OOSP3: variants seen among roughly 807,000 people sequenced by gnomAD.
OOSP3 encodes oocyte-secreted protein 3.
intron 2 of OOSP3, among the ~76,000 whole-genome samples, chr11:59,886,363 G>A (rs543644687): frequency 1.1e-4 from 16 of 152,246 alleles, no homozygotes; most frequent in African/African-American, 3.1e-4. Context: ...ATACACGTGC[G>A]TGAATCCTTG....
chr11:59,890,576 C>A (rs1229528296), intron 2 of OOSP3, among the ~76,000 whole-genome samples: 1 of 152,066 alleles, frequency 6.6e-6, no homozygotes, highest in Admixed American at 6.6e-5. Flanking sequence ...GATGGAAATT[C>A]TTGTCTTTAA....
intron 2 of OOSP3, among the ~76,000 whole-genome samples, chr11:59,880,868 C>T (rs565616528): frequency 7.3e-5 from 11 of 151,712 alleles, no homozygotes; most frequent in Admixed American, 2.0e-4. Flanking sequence ...AAGAAGCAGG[C>T]GATGAAAAAA....
chr11:59,886,884 A>C (rs1356187064), intron 2 of OOSP3, among the ~76,000 whole-genome samples: 6 of 149,858 alleles, frequency 4.0e-5, no homozygotes, highest in Non-Finnish European at 7.4e-5. Flanking sequence ...TCCGCCTCCC[A>C]GATTCAAGCG....
intron 2 of OOSP3, among the ~76,000 whole-genome samples, chr11:59,885,120 G>T (rs1176295216): frequency 6.6e-6 from 1 of 152,076 alleles, no homozygotes; most frequent in Non-Finnish European, 1.5e-5. Context: ...TGAAACTATT[G>T]AGATGATCAT....
intron 2 of OOSP3, among the ~76,000 whole-genome samples, chr11:59,884,101 C>T (rs1283803320): frequency 3.3e-5 from 5 of 152,124 alleles, no homozygotes; most frequent in Non-Finnish European, 7.3e-5. Context: ...AAGAATCTTG[C>T]CGTGGCTTAA....
At chr11:59,882,664 C>G (rs1469052559) in intron 2 of OOSP3, among the ~76,000 whole-genome samples, 1 of 152,106 alleles carries the variant, frequency 6.6e-6, no homozygotes, top group Non-Finnish European at 1.5e-5. Flanking sequence ...AATAATTAAA[C>G]ATTTAAGTGT....
intron 1 of OOSP3, 57 bp from the exon 2 acceptor site, chr11:59,880,204 G>C: frequency 2.5e-6 from 1 of 397,464 alleles, no homozygotes; most frequent in Non-Finnish European, 4.4e-6. Flanking sequence ...ACTTTCTCTG[G>C]GTGTCGTTTA....
chr11:59,880,700 C>T (rs1201431503), intron 2 of OOSP3, among the ~76,000 whole-genome samples: 2 of 152,118 alleles, frequency 1.3e-5, no homozygotes, highest in Non-Finnish European at 1.5e-5. Context: ...TCCTTACATC[C>T]CCTAAAGTCT....
At chr11:59,889,085 G>T (rs1853287075) in intron 2 of OOSP3, among the ~76,000 whole-genome samples, 1 of 151,894 alleles carries the variant, frequency 6.6e-6, no homozygotes, top group Admixed American at 6.6e-5. Context: ...CTAGTTTGAG[G>T]TGTTTATAGT....
chr11:59,888,221 A>G (rs1853279828), intron 2 of OOSP3, among the ~76,000 whole-genome samples: 1 of 152,196 alleles, frequency 6.6e-6, no homozygotes, highest in Admixed American at 6.5e-5. Flanking sequence ...GGGGTTTTCT[A>G]GATATAGGAT....
At position 59,879,602 on chromosome 11, in the gene OOSP3, G is replaced by T. The variant is rs945173793; in HGVS notation, c.74-659G>T. 4.6e-5 allele frequency among the ~76,000 whole-genome samples: 7 copies of T among 152,008 alleles called. No individual in the cohort carries two copies. In the East Asian group the frequency reaches 1.2e-3, roughly 25 times the overall value. On this transcript the variant is annotated intron_variant, in intron 1 of 4. Coordinates refer to ENST00000646438, the Ensembl canonical transcript of OOSP3. ...AAAATGTTTTTTGGATATGCTTCTG[G>T]TAGTAGAATTAATAGACACAAAATG...
intron 1 of OOSP3, among the ~76,000 whole-genome samples, chr11:59,879,272 G>C (rs987086215): frequency 2.0e-5 from 3 of 152,106 alleles, no homozygotes; most frequent in Non-Finnish European, 4.4e-5. Flanking sequence ...GTGGTCATGA[G>C]TTAGTGATCA....
chr11:59,893,958 C>T, intron 2 of OOSP3, 121 bp from the exon 3 acceptor site: 1 of 394,512 alleles, frequency 2.5e-6, no homozygotes, highest in Non-Finnish European at 4.5e-6. Context: ...CAGCTCTCTG[C>T]AGAGAGACCT....
intron 2 of OOSP3, among the ~76,000 whole-genome samples, chr11:59,881,982 C>A (rs1224529307): frequency 6.6e-6 from 1 of 152,226 alleles, no homozygotes; most frequent in Non-Finnish European, 1.5e-5. Flanking sequence ...ATTCTGATTT[C>A]CTTCAATATG....
At chr11:59,884,524 C>A (rs1465308794) in intron 2 of OOSP3, among the ~76,000 whole-genome samples, 1 of 134,668 alleles carries the variant, frequency 7.4e-6, no homozygotes, top group African/African-American at 2.8e-5. Context: ...TCTCTCTATG[C>A]AGTCTTAATC....
At position 59,881,692 on chromosome 11, in the gene OOSP3, A is replaced by G. The variant is rs373500953; in HGVS notation, c.252+1253A>G. Among the ~76,000 whole-genome samples, 81 of 152,314 alleles carry G rather than the reference A, an allele frequency of 5.3e-4. 1 individual carries two copies. The highest frequency in any genetic ancestry group is 1.9e-3 in the African/African-American group (78 of 41,570). On this transcript the variant is annotated intron_variant, in intron 2 of 4. Coordinates refer to ENST00000646438, the Ensembl canonical transcript of OOSP3. ...CAAGAGTTTGAGACCAGCCTGGCCA[A>G]CATGGCAAAACCCTGTCTCTACTAA...
intron 2 of OOSP3, among the ~76,000 whole-genome samples, chr11:59,893,582 C>G (rs531987149): frequency 4.2e-4 from 64 of 152,278 alleles, no homozygotes; most frequent in African/African-American, 1.4e-3. Context: ...GTCTCCTGAG[C>G]TCAAGCGATC....
intron 2 of OOSP3, among the ~76,000 whole-genome samples, chr11:59,883,427 C>G (rs1565218699): frequency 6.6e-6 from 1 of 152,130 alleles, no homozygotes; most frequent in Non-Finnish European, 1.5e-5. Context: ...TTGAGAAATG[C>G]AGGAATTCTT....
exon 4 of OOSP3, chr11:59,895,644 A>G (rs1853349292): frequency 2.5e-6 from 1 of 398,298 alleles, no homozygotes; most frequent in African/African-American, 2.1e-5. Context: ...ATATTTTCAA[A>G]ACTCCTCGGT....
Sources: gnomAD v4.1 joint callset for allele counts (sites outside exome capture counted in the v4.1 genomes callset) on GRCh38, gnomAD v4.1.1 for gene constraint, MANE v1.5 for transcripts, NCBI Gene and HGNC (gene_info 2026-07-23, HGNC 2026-07-21) for gene names.